The following PARVB variants were observed in gnomAD, a reference collection of about 807,000 sequenced individuals.
The protein encoded by PARVB is beta-parvin.
A neutral mutation model predicts 47.0 loss-of-function variants in PARVB; 46 were observed. The ratio of observed to expected loss-of-function variants is 0.98; its 90% confidence interval spans 0.77 to 1.25. The LOEUF (loss-of-function observed/expected upper bound fraction) is 1.25. Ranked by LOEUF, PARVB falls within the 50% of genes most tolerant of loss-of-function variation. PARVB has a pLI of 0.00. For missense variants in PARVB, 473 were observed against 471.6 expected (o/e 1.00, Z -0.03); for synonymous variants, 196 against 196.3 (o/e 1.00, Z 0.01).
intron 12 of PARVB, among the ~76,000 whole-genome samples, chr22:44,164,412 C>CCCG (rs1453712277): frequency 3.6e-5 from 5 of 139,202 alleles, no homozygotes; most frequent in South Asian, 2.2e-4. Flanking sequence ...TTCCCTGTCC[C>CCCG]CCCCCCGGCT....
At chr22:44,038,233 G>A (rs1182640067) in intron 1 of PARVB, among the ~76,000 whole-genome samples, 1 of 152,228 alleles carries the variant, frequency 6.6e-6, no homozygotes, top group East Asian at 1.9e-4. Flanking sequence ...TTCACTGGGA[G>A]ATAATGATGA....
upstream of PARVB, among the ~76,000 whole-genome samples, chr22:44,021,082 C>T (rs550509967): frequency 3.3e-5 from 5 of 152,310 alleles, no homozygotes; most frequent in East Asian, 9.6e-4. Context: ...CACGCCTGGC[C>T]CCCCTTTTGG....
chr22:44,080,995 G>A lies in PARVB; in HGVS notation c.113-12933G>A, dbSNP rs550530356. On this transcript the variant is annotated intron_variant, in intron 1 of 12. Coordinates refer to ENST00000338758, the MANE Select transcript of PARVB (RefSeq NM_013327.5). ...TGGGGAACCTGACCTGCTTTGTGGG[G>A]TCATGGAGTGACTCTCCACCTGCCG... 2.0e-5 allele frequency among the ~76,000 whole-genome samples: 3 copies of A among 152,276 alleles called. No individual in the cohort carries two copies. The South Asian group carries it at 6.2e-4, about 32-fold the overall frequency.
intron 3 of PARVB, among the ~76,000 whole-genome samples, chr22:44,117,614 C>T (rs1218667819): frequency 2.0e-5 from 3 of 152,200 alleles, no homozygotes; most frequent in Admixed American, 1.3e-4. Context: ...TTATTTTTAC[C>T]TCTGTTCCTT....
At chr22:44,094,082 G>C (rs2052238523) in intron 2 of PARVB, 65 bp downstream of exon 2, 1 of 971,186 alleles carries the variant, frequency 1.0e-6, no homozygotes, top group African/African-American at 1.6e-5. Context: ...AGTTGGTCTT[G>C]GGGAGGCCAA....
intron 1 of PARVB, 70 bp from the exon 2 acceptor site, chr22:44,093,858 C>T (rs1161107518): frequency 2.2e-6 from 2 of 897,880 alleles, no homozygotes; most frequent in Non-Finnish European, 3.6e-6. Flanking sequence ...TCTCTGCGTC[C>T]ACAGCCAACA....
chr22:44,007,835 T>G (rs1296044780), intron 2 of PARVB, among the ~76,000 whole-genome samples: 1 of 152,146 alleles, frequency 6.6e-6, no homozygotes, highest in African/African-American at 2.4e-5. Flanking sequence ...AATTCGGTCC[T>G]TCCCAGCCCC....
upstream of PARVB, among the ~76,000 whole-genome samples, chr22:44,022,731 T>TC (rs962199923): frequency 7.2e-6 from 1 of 138,356 alleles, no homozygotes; most frequent in African/African-American, 3.1e-5. Flanking sequence ...CTCCTACTTC[T>TC]TTTTTTTTAT....
At position 44,127,080 on chromosome 22, in the gene PARVB, T is replaced by C. The variant is rs187772098; in HGVS notation, c.377-4407T>C. On this transcript the variant is annotated intron_variant, in intron 4 of 12. Transcript: ENST00000338758. ...AGTTGCTGTGATTGTCCATGAGTCC[T>C]GCTATATCAGTTGTGTTATCCATAA... 4.6e-5 allele frequency among the ~76,000 whole-genome samples: 7 copies of C among 152,338 alleles called. No individual in the cohort carries two copies. The East Asian group carries it at 1.3e-3, about 29-fold the overall frequency.
chr22:44,106,204 C>CTGGGAAGAGGGGGTGAGGGT, intron 3 of PARVB: 1 of 124,374 alleles, frequency 8.0e-6, no homozygotes. Flanking sequence ...GGAGGAGGCT[C>CTGGGAAGAGGGGGTGAGGGT]TGGGAAGAGG....
chr22:44,136,563 G>A (rs758678572), intron 7 of PARVB, 45 bp downstream of exon 7: 2 of 1,542,340 alleles, frequency 1.3e-6, no homozygotes, highest in Non-Finnish European at 1.8e-6. Flanking sequence ...GCTGCCCCGA[G>A]TGAGTGGGAC....
intron 12 of PARVB, 80 bp from the exon 13 acceptor site, chr22:44,168,520 CTG>C: frequency 1.1e-6 from 1 of 895,256 alleles, no homozygotes; most frequent in Admixed American, 1.7e-5. Context: ...TGGTGTCATG[CTG>C]GAGACGTGGC....
In PARVB at chr22:44,128,889, T is replaced by C. The variant is rs536184723; in HGVS notation, c.377-2598T>C. Among the ~76,000 whole-genome samples the C allele has an allele frequency of 5.8e-4, 88 of 152,188 alleles. 1 individual carries two copies. Among genetic ancestry groups the C allele is most frequent in the African/African-American group, 2.0e-3 (84 of 41,530 alleles). ...GGTCAGGAATTCGAGACCAGCCTGATCAACATGGTGAAACCCTGCCTCTAC... is the reference window on the plus strand; with the variant it reads ...GGTCAGGAATTCGAGACCAGCCTGACCAACATGGTGAAACCCTGCCTCTAC... On this transcript the variant is annotated intron_variant, in intron 4 of 12. Coordinates refer to ENST00000338758, the MANE Select transcript of PARVB (RefSeq NM_013327.5).
intron 1 of PARVB, among the ~76,000 whole-genome samples, chr22:44,036,459 C>A (rs181836909): frequency 4.6e-5 from 7 of 151,808 alleles, no homozygotes; most frequent in African/African-American, 1.7e-4. Context: ...ATGCATTTGT[C>A]GCATATCTAA....
chr22:44,070,239 A>G (rs965436151), intron 1 of PARVB, among the ~76,000 whole-genome samples: 2 of 152,184 alleles, frequency 1.3e-5, no homozygotes, highest in African/African-American at 4.8e-5. Flanking sequence ...GCAGATCGGA[A>G]TGGGAGTCAG....
chr22:44,124,693 C>T (rs934286963), intron 4 of PARVB, among the ~76,000 whole-genome samples: 40 of 151,212 alleles, frequency 2.6e-4, no homozygotes, highest in African/African-American at 9.7e-4. Context: ...GAGGGTCACT[C>T]CCACAGACAA....
upstream of PARVB, among the ~76,000 whole-genome samples, chr22:44,022,094 G>C (rs938180964): frequency 6.6e-6 from 1 of 152,070 alleles, no homozygotes; most frequent in Non-Finnish European, 1.5e-5. Context: ...CATCTGCAAA[G>C]ACCCTTGTGA....
At chr22:44,037,114 G>T (rs1313137931) in intron 1 of PARVB, among the ~76,000 whole-genome samples, 1 of 152,132 alleles carries the variant, frequency 6.6e-6, no homozygotes, top group Admixed American at 6.6e-5. Flanking sequence ...TTGAGCCCAG[G>T]AGTTTGAGAC....
At chr22:44,039,879 G>C (rs1019338295) in intron 1 of PARVB, 1 of 455,578 alleles carries the variant, frequency 2.2e-6, no homozygotes, top group South Asian at 1.6e-5. Context: ...CAGTGGTGCA[G>C]TCATAGCTCA....
Sources: allele counts gnomAD v4.1 joint callset (sites outside exome capture counted in the v4.1 genomes callset), GRCh38; gene constraint gnomAD v4.1.1; transcripts MANE v1.5; gene names NCBI Gene and HGNC (gene_info 2026-07-23, HGNC 2026-07-21).